IQSEC3: variants seen among roughly 807,000 people sequenced by gnomAD.
IQSEC3 encodes the protein IQ motif and SEC7 domain-containing protein 3.
IQSEC3 carries 50 observed loss-of-function variants against 105.4 expected under a neutral mutation model. That is an observed-to-expected ratio of 0.47 (90% CI 0.38 to 0.60). IQSEC3 has a LOEUF of 0.60. Among genes scored for constraint, IQSEC3 ranks in the 20% least tolerant of loss-of-function variants. The pLI is 0.00. For missense variants in IQSEC3, 1,415 were observed against 1,630.0 expected, an observed-to-expected ratio of 0.87 and a Z score of 2.27; for synonymous variants, 708 against 746.0, an observed-to-expected ratio of 0.95 and a Z score of 0.83.
intron 2 of IQSEC3, among the ~76,000 whole-genome samples, chr12:102,819 G>T (rs1047078549): frequency 3.9e-5 from 6 of 152,220 alleles, no homozygotes; most frequent in Non-Finnish European, 8.8e-5. Context: ...GGGCGTCAGC[G>T]ATCTGGAGTA....
rs1284122779 is a variant in IQSEC3 at position 175,908 on chromosome 12, T to C, written c.*875T>C. The stretch of plus-strand genomic sequence containing the variant: ...ATGAGAACCAGGCCATTCCTTCCGC[T>C]GTGGAAGCAGAACTGGAGACGGGGC... On this transcript the variant is annotated 3_prime_UTR_variant, in exon 14 of 14. Coordinates refer to ENST00000538872, the MANE Select transcript of IQSEC3 (RefSeq NM_001170738.2). 6.6e-6 allele frequency: 1 copy of C among 152,212 alleles called. No individual in the cohort carries two copies. Among genetic ancestry groups the C allele is most frequent in the Non-Finnish European group, 1.5e-5 (1 of 68,060 alleles). 9.4% of individuals were successfully genotyped at this position (152,212 alleles called of 1,614,324 possible). A position where few individuals can be genotyped will look rare whatever the true frequency, so the allele number is the denominator to read the frequency against.
At chr12:108,429 G>A (rs1243154243) in intron 2 of IQSEC3, among the ~76,000 whole-genome samples, 1 of 152,146 alleles carries the variant, frequency 6.6e-6, no homozygotes, top group Non-Finnish European at 1.5e-5. Flanking sequence ...TTTCTCATAA[G>A]GTTTGTTTGT....
chr12:150,316 G>C (rs981131779), intron 5 of IQSEC3, among the ~76,000 whole-genome samples: 1 of 152,204 alleles, frequency 6.6e-6, no homozygotes, highest in African/African-American at 2.4e-5. Flanking sequence ...GGGAGATGCT[G>C]GATTCAGGGA....
intron 1 of IQSEC3, among the ~76,000 whole-genome samples, chr12:82,495 A>G (rs1433390357): frequency 2.6e-5 from 4 of 152,228 alleles, no homozygotes; most frequent in Non-Finnish European, 5.9e-5. Flanking sequence ...AGATGGGAGA[A>G]GTCATAGCAT....
At chr12:73,083 TAAATAAATAAATA>T (rs1863388204) in intron 1 of IQSEC3, among the ~76,000 whole-genome samples, 1 of 123,986 alleles carries the variant, frequency 8.1e-6, no homozygotes, top group East Asian at 3.3e-4. Context: ...AATAAATAAA[TAAATAAATAAATA>T]AAAAAGGGAA....
At chr12:96,389 AAAAGG>A in intron 1 of IQSEC3, among the ~76,000 whole-genome samples, 1 of 152,350 alleles carries the variant, frequency 6.6e-6, no homozygotes, top group Non-Finnish European at 1.5e-5. Context: ...ATCAGACTTA[AAAAGG>A]TGCGAGACTC....
chr12:72,152 T>C (rs1197443178), intron 1 of IQSEC3, among the ~76,000 whole-genome samples: 3 of 152,258 alleles, frequency 2.0e-5, no homozygotes, highest in Non-Finnish European at 2.9e-5. Context: ...GTGAATGCCA[T>C]AGGGCCTCAC....
chr12:86,745 G>A (rs561114050), intron 1 of IQSEC3, among the ~76,000 whole-genome samples: 1 of 152,074 alleles, frequency 6.6e-6, no homozygotes, highest in Non-Finnish European at 1.5e-5. Flanking sequence ...CAGGTATCTT[G>A]TTTGACCTTC....
In IQSEC3 at chr12:174,736, C is replaced by T; in HGVS notation, c.3252C>T (p.Pro1084=). The T allele has an allele frequency of 6.3e-7, 1 of 1,592,918 alleles. No individual in the cohort carries two copies. Among genetic ancestry groups the T allele is most frequent in the Non-Finnish European group, 8.5e-7 (1 of 1,177,866 alleles). The stretch of plus-strand genomic sequence containing the variant: ...CCCCACCACTGCCGCCGCCGCCACC[C>T]ACGCCCCCGGGCACCCTGGTGCAGT... ...QQTPPLPPPP[P]TPPGTLVQCQ... Residue 1084 remains proline, a synonymous_variant, in exon 14 of 14, where the codon CCC becomes CCT. Transcript: ENST00000538872.
chr12:78,062 G>A (rs1279589507), intron 1 of IQSEC3, among the ~76,000 whole-genome samples: 3 of 151,312 alleles, frequency 2.0e-5, no homozygotes, highest in Admixed American at 6.6e-5. Context: ...CCGCCGCCCC[G>A]CTGAGGAAGG....
chr12:104,568 A>G lies in IQSEC3; in HGVS notation c.623+5354A>G, dbSNP rs1211044523. On this transcript the variant is annotated intron_variant, in intron 2 of 13. Coordinates refer to ENST00000538872, the MANE Select transcript of IQSEC3 (RefSeq NM_001170738.2). ...CTTCCCACGCCCATTTTAAAAAAAA[A>G]AGATTTTGTAGTCTGCATTTCCCAC... Among the ~76,000 whole-genome samples, 8 of 151,722 alleles carry G rather than the reference A, an allele frequency of 5.3e-5. 1 individual carries two copies. The highest frequency in any genetic ancestry group is 5.3e-4 in the Admixed American group (8 of 15,228).
At chr12:162,914 A>G (rs1160499777) in intron 8 of IQSEC3, among the ~76,000 whole-genome samples, 1 of 152,080 alleles carries the variant, frequency 6.6e-6, no homozygotes, top group Non-Finnish European at 1.5e-5. Flanking sequence ...AAGCAGGTTG[A>G]CAGTGGCTGG....
intron 1 of IQSEC3, among the ~76,000 whole-genome samples, chr12:84,046 G>A (rs936348299): frequency 6.6e-6 from 1 of 152,220 alleles, no homozygotes; most frequent in Non-Finnish European, 1.5e-5. Flanking sequence ...GGATTCGTGT[G>A]TGAGCCTCTT....
At chr12:124,576 C>G (rs528227478) in intron 2 of IQSEC3, among the ~76,000 whole-genome samples, 4 of 152,278 alleles carry the variant, frequency 2.6e-5, no homozygotes, top group African/African-American at 7.2e-5. Flanking sequence ...TTGCCCAAAG[C>G]CACACAGTCG....
chr12:99,198 G>A lies in IQSEC3; in HGVS notation c.607G>A (p.Asp203Asn), dbSNP rs782120797. Residue 203 changes from aspartate to asparagine, a missense_variant, in exon 2 of 14, where the codon GAC becomes AAC. Around this residue, in one of 6 missense-constraint regions of IQSEC3, gnomAD observed 720 missense variants for 633.0 expected, o/e 1.14. Coordinates refer to ENST00000538872, the MANE Select transcript of IQSEC3 (RefSeq NM_001170738.2). ...CTGCCCAGCCGCCGACGCCTGCTCC[G>A]ACCTGGCCTCCCAAAGGTGGGAACT... ...FCCPAADACS[D>N]LASQSDGSCT... The A allele has an allele frequency of 4.4e-5, 70 of 1,598,622 alleles. No homozygotes were observed. The highest frequency in any genetic ancestry group is 6.7e-5 in the East Asian group (3 of 44,874).
chr12:161,963 G>A lies in IQSEC3; in HGVS notation c.2481G>A (p.Val827=). ...GCGCTGACATCCCCAGGGAGCTGGT[G>A]GTAGGCATCTATGAGAGGATACAGC... ...DDGADIPREL[V]VGIYERIQQK... is the part of the protein sequence containing the mutation. Residue 827 remains valine (V), a synonymous_variant, in exon 8 of 14, where the codon GTG becomes GTA. Transcript: ENST00000538872. 1 of 1,613,290 alleles carries A rather than the reference G, an allele frequency of 6.2e-7. No individual in the cohort carries two copies.
chr12:105,694 G>T (rs549549144), intron 2 of IQSEC3, among the ~76,000 whole-genome samples: 1 of 152,212 alleles, frequency 6.6e-6, no homozygotes, highest in Non-Finnish European at 1.5e-5. Context: ...CTTTGGGAGG[G>T]CGTATTAAAA....
In IQSEC3 at chr12:130,395, A is replaced by T. The variant is rs114013369; in HGVS notation, c.903+4483A>T. Among the ~76,000 whole-genome samples the T allele has an allele frequency of 7.6e-3, 1,160 of 152,278 alleles. 20 individuals are homozygous for T. The highest frequency in any genetic ancestry group is 0.026 in the African/African-American group (1,093 of 41,540). ...GGCTGAGTGATGGTGATGTTAAGTA[A>T]CTTGCCCAAGGACACAGTCCTAGGA... On this transcript the variant is annotated intron_variant, in intron 3 of 13. Coordinates refer to ENST00000538872, the MANE Select transcript of IQSEC3 (RefSeq NM_001170738.2).
chr12:142,863 C>T (rs1401523919), intron 5 of IQSEC3, among the ~76,000 whole-genome samples: 1 of 152,156 alleles, frequency 6.6e-6, no homozygotes, highest in Non-Finnish European at 1.5e-5. Flanking sequence ...GCACTGTTGT[C>T]CCAGTCCATC....
Sources: gnomAD v4.1 joint callset for allele counts (sites outside exome capture counted in the v4.1 genomes callset) on GRCh38, gnomAD v4.1.1 for gene constraint, gnomAD v4.1.1 regional missense constraint, MANE v1.5 for transcripts, NCBI Gene and HGNC (gene_info 2026-07-23, HGNC 2026-07-21) for gene names.